The following TACC2 variants were observed in gnomAD, a reference collection of about 807,000 sequenced individuals.
The protein encoded by TACC2 is transforming acidic coiled-coil-containing protein 2.
A neutral mutation model predicts 227.3 loss-of-function variants in TACC2; 137 were observed. That is an observed-to-expected ratio of 0.60 (90% CI 0.52 to 0.69). The LOEUF is 0.69. TACC2 is among the 30% of genes least tolerant of loss of function. TACC2 has a pLI of 0.00. For synonymous variants in TACC2, 1,523 were observed against 1,487.5 expected, an observed-to-expected ratio of 1.02 and a Z score of -0.55; for missense variants, 3,470 against 3,694.4, an observed-to-expected ratio of 0.94 and a Z score of 1.57.
chr10:122,248,588 G>T (rs1261437610), intron 19 of TACC2, 55 bp from the exon 20 acceptor site: 2 of 1,606,130 alleles, frequency 1.2e-6, no homozygotes, highest in African/African-American at 1.3e-5. Context: ...TGGCCCCAGA[G>T]ACCCAGTTTG....
At chr10:122,176,105 CTCTCTCTCTCTCTATATATA>C (rs1482420333) in intron 7 of TACC2, among the ~76,000 whole-genome samples, 24 of 73,406 alleles carry the variant, frequency 3.3e-4, no homozygotes, top group African/African-American at 1.0e-3. Context: ...CTCTCTCTCT[CTCTCTCTCTCTCTATATATA>C]TATATATATA....
intron 19 of TACC2, among the ~76,000 whole-genome samples, chr10:122,242,453 C>T (rs1049655794): frequency 3.9e-5 from 6 of 152,272 alleles, no homozygotes; most frequent in East Asian, 3.9e-4. Context: ...CGTGATTGTC[C>T]GCCTCCTTCC....
At position 122,143,664 on chromosome 10, in the gene TACC2, C is replaced by G; in HGVS notation, c.5792C>G (p.Ala1931Gly). ...GCCCCAGCTGGTGACAGAGTAGAAG[C>G]TTCCACTCCCTCCTGCCCAGATCCG... ...PSAPAGDRVE[A>G]STPSCPDPAK... Residue 1931 changes from alanine (A) to glycine (G), a missense_variant, in exon 7 of 23, where the codon GCT (alanine) becomes GGT (glycine). Ala to Gly is a moderately conservative substitution (Grantham distance 60, BLOSUM62 0). Transcript: ENST00000369005. 1.2e-6 allele frequency: 2 copies of G among 1,614,218 alleles called. No individual in the cohort carries two copies. Among genetic ancestry groups the G allele is most frequent in the Non-Finnish European group, 1.7e-6 (2 of 1,180,036 alleles).
At chr10:122,252,319 A>T (rs1236644114) in intron 22 of TACC2, among the ~76,000 whole-genome samples, 1 of 151,986 alleles carries the variant, frequency 6.6e-6, no homozygotes, top group Non-Finnish European at 1.5e-5. Flanking sequence ...CTCACTGAAA[A>T]ATGAGGATAA....
chr10:122,160,432 G>T (rs1291179608), intron 7 of TACC2, among the ~76,000 whole-genome samples: 1 of 152,164 alleles, frequency 6.6e-6, no homozygotes, highest in South Asian at 2.1e-4. Flanking sequence ...GAGGCTGGAA[G>T]TCTGAGAGCA....
chr10:122,232,589 G>C (rs147716120), intron 16 of TACC2, among the ~76,000 whole-genome samples: 1 of 152,320 alleles, frequency 6.6e-6, no homozygotes, highest in African/African-American at 2.4e-5. Context: ...TTCTGTGACT[G>C]TCTTGGAGTA....
rs542088146 is a variant in TACC2 at position 122,096,361 on chromosome 10, C to G, written c.5573+7770C>G. Among the ~76,000 whole-genome samples, 26 of 152,276 alleles carry G rather than the reference C, an allele frequency of 1.7e-4. 1 individual carries two copies. The South Asian group carries it at 5.2e-3, about 30-fold the overall frequency. ...TCCTGACAGCAGCGCTTGTGGCAAA[C>G]CCTCCCTGCCCACAAACCCCCCGGT... On this transcript the variant is annotated intron_variant, in intron 5 of 22. Transcript: ENST00000369005.
chr10:122,117,175 C>T (rs2084850003), intron 5 of TACC2, among the ~76,000 whole-genome samples: 1 of 150,688 alleles, frequency 6.6e-6, no homozygotes, highest in South Asian at 2.1e-4. Context: ...AGGTCAACCT[C>T]TCTGGTCTTA....
intron 5 of TACC2, among the ~76,000 whole-genome samples, chr10:122,092,652 A>G (rs67690864): frequency 0.11 from 17,051 of 152,234 alleles, 1,371 homozygotes; most frequent in African/African-American, 0.22. Context: ...GGCATTGCTA[A>G]TGGATGTGGC....
At chr10:122,190,089 C>G (rs2094354394) in intron 7 of TACC2, among the ~76,000 whole-genome samples, 1 of 152,062 alleles carries the variant, frequency 6.6e-6, no homozygotes, top group African/African-American at 2.4e-5. Context: ...TTACAAGATG[C>G]TTATGTTTTA....
At chr10:122,000,820 G>C (rs969101261) in intron 1 of TACC2, among the ~76,000 whole-genome samples, 2 of 151,828 alleles carry the variant, frequency 1.3e-5, no homozygotes, top group African/African-American at 4.8e-5. Context: ...TTGTTGTTTT[G>C]TTTGTTTGTT....
At chr10:122,026,162 C>A (rs921989960) in intron 2 of TACC2, among the ~76,000 whole-genome samples, 2,071 of 96,022 alleles carry the variant, frequency 0.022, 61 homozygotes, top group African/African-American at 0.081. Flanking sequence ...ACTAAAAATC[C>A]AAAAAAAAAA....
intron 19 of TACC2, among the ~76,000 whole-genome samples, chr10:122,244,838 A>G (rs1460179254): frequency 1.3e-5 from 2 of 152,232 alleles, no homozygotes; most frequent in African/African-American, 4.8e-5. Context: ...CCAGTGTGAC[A>G]TCAGTCCTGC....
At chr10:122,193,375 G>A (rs2094471072) in intron 7 of TACC2, among the ~76,000 whole-genome samples, 1 of 152,208 alleles carries the variant, frequency 6.6e-6, no homozygotes, top group Admixed American at 6.5e-5. Flanking sequence ...GGATAGTGGA[G>A]GGATTGGTTT....
intron 7 of TACC2, among the ~76,000 whole-genome samples, chr10:122,156,687 G>A (rs546090000): frequency 6.6e-6 from 1 of 152,300 alleles, no homozygotes; most frequent in Admixed American, 6.5e-5. Flanking sequence ...CAGCTTTGGG[G>A]TAGGTTTTGA....
At chr10:122,025,554 C>T (rs562154087) in intron 2 of TACC2, among the ~76,000 whole-genome samples, 2 of 145,858 alleles carry the variant, frequency 1.4e-5, no homozygotes, top group East Asian at 4.2e-4. Context: ...AGCCACTGCA[C>T]CCGGCCTATT....
chr10:122,171,972 G>T (rs953524897), intron 7 of TACC2, among the ~76,000 whole-genome samples: 4 of 152,170 alleles, frequency 2.6e-5, no homozygotes, highest in South Asian at 4.1e-4. Context: ...GGTGTTTACT[G>T]TGTTCAGCCC....
intron 8 of TACC2, among the ~76,000 whole-genome samples, chr10:122,197,850 G>A (rs765709065): frequency 2.6e-5 from 4 of 152,214 alleles, no homozygotes; most frequent in Non-Finnish European, 5.9e-5. Context: ...CCCAGGCGGA[G>A]GGTCCCCTCG....
chr10:122,021,071 A>G (rs971629642), intron 1 of TACC2, among the ~76,000 whole-genome samples: 6 of 152,164 alleles, frequency 3.9e-5, no homozygotes, highest in Admixed American at 3.3e-4. Context: ...CTCTACTAAA[A>G]ATACAAAAAT....
Sources: gnomAD v4.1 joint callset for allele counts (sites outside exome capture counted in the v4.1 genomes callset) on GRCh38, gnomAD v4.1.1 for gene constraint, MANE v1.5 for transcripts, NCBI Gene and HGNC (gene_info 2026-07-23, HGNC 2026-07-21) for gene names.